NRDC: variants seen among roughly 807,000 people sequenced by gnomAD.
NRDC encodes the protein nardilysin convertase, also known as nardilysin.
In NRDC, 54 loss-of-function variants were observed where a neutral mutation model predicts 147.1. The ratio of observed to expected loss-of-function variants is 0.37; its 90% CI spans 0.29 to 0.46. NRDC has a LOEUF of 0.46. Ranked by LOEUF, NRDC falls within the 20% of genes least tolerant of loss-of-function variation. NRDC has a pLI of 1.00. For missense variants in NRDC, 1,082 were observed against 1,370.6 expected (o/e 0.79, Z 3.33); for synonymous variants, 440 against 482.1 (o/e 0.91, Z 1.14).
In NRDC at chr1:51,836,411, T is replaced by C. The variant is rs1680977476; in HGVS notation, c.631-199A>G. 4 of 1,613,720 alleles carry C rather than the reference T, an allele frequency of 2.5e-6. No individual in the cohort carries two copies. In the East Asian group the frequency reaches 8.9e-5, roughly 36 times the overall value. ...CACCCTGCTGCTCCTCCGCTTGCCA[T>C]CCTGCCAAATGCTGAACAGGTGCAG... is the stretch of plus-strand genomic sequence containing the variant. On this transcript the variant is annotated intron_variant, in intron 2 of 30. Transcript: ENST00000352171.
rs190856868 is a variant in NRDC at position 51,834,312 on chromosome 1, T to G, written c.713-142A>C. ...GGTTATGTCTGAATTCTTTTTTTTTTCTTTGAGACAGAGTCTCACTCTGTT... is the reference window on the plus strand; with the variant it reads ...GGTTATGTCTGAATTCTTTTTTTTTGCTTTGAGACAGAGTCTCACTCTGTT... On this transcript the variant is annotated intron_variant, in intron 3 of 30. Transcript: ENST00000352171. 752 of 907,646 alleles carry G rather than the reference T, an allele frequency of 8.3e-4. 3 individuals carry two copies. The highest frequency in any genetic ancestry group is 1.4e-3 in the South Asian group (85 of 59,710). 56.2% of individuals were successfully genotyped at this position (907,646 alleles called of 1,614,324 possible).
intron 1 of NRDC, among the ~76,000 whole-genome samples, chr1:51,857,649 G>A (rs1056709219): frequency 3.3e-5 from 5 of 152,150 alleles, no homozygotes; most frequent in African/African-American, 4.8e-5. Flanking sequence ...CTTCTGATCC[G>A]AACTGGGTTT....
chr1:51,827,695 T>C, intron 5 of NRDC, 101 bp downstream of exon 5: 1 of 859,260 alleles, frequency 1.2e-6, no homozygotes, highest in East Asian at 2.6e-5. Context: ...TCCTTTAAAA[T>C]ATAAAGATAA....
intron 1 of NRDC, among the ~76,000 whole-genome samples, chr1:51,859,600 G>A (rs893403486): frequency 6.6e-6 from 1 of 152,198 alleles, no homozygotes; most frequent in African/African-American, 2.4e-5. Flanking sequence ...CTACAGCTGT[G>A]CGTAAATTCA....
intron 16 of NRDC, 49 bp from the exon 17 acceptor site, chr1:51,809,450 C>T (rs1398956707): frequency 5.8e-6 from 7 of 1,198,460 alleles, no homozygotes; most frequent in Non-Finnish European, 8.7e-6. Context: ...CAATGTTCAA[C>T]ATTCTCTTAA....
At chr1:51,819,942 TCTAA>T (rs1157343500) in intron 8 of NRDC, 69 bp from the exon 9 acceptor site, 9 of 1,125,216 alleles carry the variant, frequency 8.0e-6, no homozygotes, top group Non-Finnish European at 1.2e-5. Context: ...TTTAGGGATA[TCTAA>T]CTGAGAGATA....
At chr1:51,856,381 T>A (rs1383907119) in intron 1 of NRDC, among the ~76,000 whole-genome samples, 1 of 152,166 alleles carries the variant, frequency 6.6e-6, no homozygotes, top group African/African-American at 2.4e-5. Flanking sequence ...TCCCCAAGAC[T>A]GCCCTGCCAA....
chr1:51,831,819 T>TCC (rs1199140376), intron 4 of NRDC, among the ~76,000 whole-genome samples: 2 of 151,658 alleles, frequency 1.3e-5, no homozygotes, highest in Non-Finnish European at 2.9e-5. Flanking sequence ...GCTCAAGTGA[T>TCC]CCACACACCT....
intron 15 of NRDC, among the ~76,000 whole-genome samples, chr1:51,810,625 T>A (rs1291198469): frequency 2.0e-5 from 3 of 152,272 alleles, no homozygotes; most frequent in Non-Finnish European, 4.4e-5. Flanking sequence ...ATATTCTTGA[T>A]AATGCTTTAA....
chr1:51,799,525 T>G (rs1355842639), intron 21 of NRDC, among the ~76,000 whole-genome samples: 1 of 152,176 alleles, frequency 6.6e-6, no homozygotes, highest in East Asian at 1.9e-4. Context: ...TCATTACAGC[T>G]GTGTCAAAAG....
intron 14 of NRDC, 86 bp downstream of exon 14, chr1:51,813,949 C>T (rs750930184): frequency 3.8e-5 from 34 of 895,800 alleles, no homozygotes; most frequent in Non-Finnish European, 6.0e-5. Context: ...TAAAACTCCA[C>T]CGACACTTTC....
At chr1:51,863,404 G>GA (rs961418652) in intron 1 of NRDC, among the ~76,000 whole-genome samples, 70 of 145,980 alleles carry the variant, frequency 4.8e-4, no homozygotes, top group South Asian at 8.6e-4. Context: ...TCTGTCTCAA[G>GA]AAAAAAAAAA....
At chr1:51,791,758 C>G (rs1020239948) in intron 26 of NRDC, 97 bp from the exon 27 acceptor site, 1 of 982,380 alleles carries the variant, frequency 1.0e-6, no homozygotes, top group African/African-American at 1.6e-5. Flanking sequence ...TCTGCCCATC[C>G]TTATTGGAAC....
Position 51,825,325 on chromosome 1 carries a change from A to G in NRDC, c.998T>C (p.Leu333Pro). The change falls in exon 6 of 31, where the codon CTT becomes CCT. Residue 333 changes from leucine (L) to proline (P), a missense_variant. Physicochemically the swap from Leu to Pro is moderately conservative, Grantham distance 98 (BLOSUM62 -3). Around this residue, in one of 3 missense-constraint regions of NRDC, gnomAD observed 635 missense variants for 923.8 expected, o/e 0.69. Transcript: ENST00000352171. ...TCCCATAGGATGTCCAGGTCTAGCA[A>G]GGCTTCCAAACAACATTTCCTTTCT... ...ANRKEMLFGS[L>P]ARPGHPMGKF... 6.3e-7 allele frequency: 1 copy of G among 1,599,920 alleles called. No homozygotes were observed.
intron 22 of NRDC, chr1:51,795,398 A>T (rs1678851065): frequency 3.7e-6 from 1 of 272,050 alleles, no homozygotes; most frequent in Non-Finnish European, 7.1e-6. Flanking sequence ...TGGTACTTCA[A>T]CGGTGCTCGG....
At chr1:51,869,807 T>C (rs1682995510) in intron 1 of NRDC, among the ~76,000 whole-genome samples, 1 of 152,196 alleles carries the variant, frequency 6.6e-6, no homozygotes, top group Non-Finnish European at 1.5e-5. Context: ...AAATATACAA[T>C]ATCAGCATAC....
intron 11 of NRDC, among the ~76,000 whole-genome samples, chr1:51,815,667 G>C (rs1025081140): frequency 1.3e-5 from 2 of 151,236 alleles, no homozygotes; most frequent in African/African-American, 2.5e-5. Flanking sequence ...GAATGTTCTA[G>C]TACACGAAAG....
At position 51,863,446 on chromosome 1, in the gene NRDC, C is replaced by A. The variant is rs546890380; in HGVS notation, c.341+14829G>T. ...TTTTGGTGCAGATTTAATAATGTTT[C>A]TTTAATGAACTCAACCTAAAATTAC... On this transcript the variant is annotated intron_variant, in intron 1 of 30. Coordinates refer to ENST00000352171, the MANE Select transcript of NRDC (RefSeq NM_001101662.2). Among the ~76,000 whole-genome samples, 7 of 152,126 alleles carry A rather than the reference C, an allele frequency of 4.6e-5. No individual in the cohort carries two copies. The South Asian group carries it at 1.5e-3, about 32-fold the overall frequency.
chr1:51,862,925 G>A (rs758783272), intron 1 of NRDC, among the ~76,000 whole-genome samples: 1 of 138,440 alleles, frequency 7.2e-6, no homozygotes, highest in African/African-American at 2.6e-5. Context: ...CAGGAGAATC[G>A]CTTGAACCTG....
Sources: gnomAD v4.1 joint callset for allele counts (sites outside exome capture counted in the v4.1 genomes callset) on GRCh38, gnomAD v4.1.1 for gene constraint, gnomAD v4.1.1 regional missense constraint, MANE v1.5 for transcripts, NCBI Gene and HGNC (gene_info 2026-07-23, HGNC 2026-07-21) for gene names.